Variants in NEMF observed in about 807,000 individuals in gnomAD.
NEMF encodes the protein ribosome quality control complex subunit NEMF.
Under a neutral mutation model 162.2 loss-of-function variants are expected in NEMF, and 89 were observed. The ratio of observed to expected loss-of-function variants is 0.55; its 90% confidence interval spans 0.46 to 0.65. NEMF has a LOEUF of 0.65. NEMF is among the 30% of genes least tolerant of loss of function. The pLI is 0.00. For missense variants in NEMF, 1,133 were observed against 1,261.9 expected, an observed-to-expected ratio of 0.90 and a Z score of 1.55; for synonymous variants, 421 against 404.5, an observed-to-expected ratio of 1.04 and a Z score of -0.49.
intron 5 of NEMF, among the ~76,000 whole-genome samples, 176 bp downstream of exon 5, chr14:49,840,542 T>A (rs1893149780): frequency 6.6e-6 from 1 of 152,128 alleles, no homozygotes; most frequent in Non-Finnish European, 1.5e-5. Context: ...TTTATGTAGT[T>A]CAAACAGTCT....
chr14:49,834,242 C>A, intron 7 of NEMF, 121 bp downstream of exon 7: 1 of 655,496 alleles, frequency 1.5e-6, no homozygotes, highest in Non-Finnish European at 2.7e-6. Flanking sequence ...AGGCATGAGC[C>A]AGTGTGCCTG....
chr14:49,814,192 A>C, intron 17 of NEMF, 142 bp from the exon 18 acceptor site: 1 of 561,576 alleles, frequency 1.8e-6, no homozygotes, highest in Non-Finnish European at 3.3e-6. Flanking sequence ...TTCTGCCCCC[A>C]AGGTTCAGGC....
intron 4 of NEMF, 104 bp from the exon 5 acceptor site, chr14:49,840,970 G>A (rs1027439222): frequency 3.2e-6 from 3 of 942,808 alleles, no homozygotes; most frequent in Non-Finnish European, 4.6e-6. Flanking sequence ...GCCGAGGCAG[G>A]CAGATCACTT....
chr14:49,794,265 T>C (rs1335601974), intron 26 of NEMF, among the ~76,000 whole-genome samples: 1 of 152,198 alleles, frequency 6.6e-6, no homozygotes, highest in Non-Finnish European at 1.5e-5. Flanking sequence ...AATTTACAAT[T>C]ATTTTATCAA....
At chr14:49,819,611 G>T (rs1324147956) in intron 16 of NEMF, among the ~76,000 whole-genome samples, 1 of 151,886 alleles carries the variant, frequency 6.6e-6, no homozygotes, top group Admixed American at 6.6e-5. Context: ...ACGGGGTTTC[G>T]CCATGTTGCC....
At chr14:49,848,465 A>G (rs1287423588) in intron 3 of NEMF, among the ~76,000 whole-genome samples, 1 of 152,200 alleles carries the variant, frequency 6.6e-6, no homozygotes, top group Non-Finnish European at 1.5e-5. Context: ...AGCCTCTAAA[A>G]TATCTTACAA....
intron 16 of NEMF, among the ~76,000 whole-genome samples, chr14:49,818,130 C>T (rs1891811757): frequency 6.6e-6 from 1 of 150,632 alleles, no homozygotes; most frequent in Non-Finnish European, 1.5e-5. Context: ...CACTGTCACC[C>T]AGACTGGAGT....
intron 28 of NEMF, among the ~76,000 whole-genome samples, chr14:49,787,662 A>G (rs1890239843): frequency 6.6e-6 from 1 of 152,200 alleles, no homozygotes; most frequent in Non-Finnish European, 1.5e-5. Context: ...GTTCCCATAT[A>G]TGAATTGTGG....
At position 49,820,995 on chromosome 14, in the gene NEMF, GCCGCCCATCATC is replaced by G. The variant is rs1352010481; in HGVS notation, c.1577+4860_1577+4871del. 1.3e-4 allele frequency among the ~76,000 whole-genome samples: 2 copies of G among 15,866 alleles called. 1 individual carries two copies. The highest frequency in any genetic ancestry group is 0.012 in the Non-Finnish European group (2 of 172). The allele number at this position is 15,866 out of a possible 152,430, so 10.4% of individuals were successfully genotyped here. A position where few individuals can be genotyped will look rare whatever the true frequency, so the allele number is the denominator to read the frequency against. On this transcript the variant is annotated intron_variant, in intron 16 of 32. Coordinates refer to ENST00000298310, the MANE Select transcript of NEMF (RefSeq NM_004713.6). ...AGGAAGTGAGGAGCGTCTCTGCCCG[GCCGCCCATCATC>G]TGAGATGTGGGGAGCACCTCTGCCC...
At chr14:49,824,317 G>A (rs187844077) in intron 16 of NEMF, among the ~76,000 whole-genome samples, 7 of 152,178 alleles carry the variant, frequency 4.6e-5, no homozygotes, top group African/African-American at 1.2e-4. Context: ...GGCTGAGGCG[G>A]GTGGAACACG....
chr14:49,802,444 A>G lies in NEMF; in HGVS notation c.2095+9T>C. The G allele has an allele frequency of 3.1e-6, 5 of 1,610,930 alleles. No homozygotes were observed. The highest frequency in any genetic ancestry group is 4.2e-6 in the Non-Finnish European group (5 of 1,179,050). On this transcript the variant is annotated intron_variant, in intron 22 of 32. Coordinates refer to ENST00000298310, the MANE Select transcript of NEMF (RefSeq NM_004713.6). ...ATCACAAGCTAATTTCTTAAAATCT[A>G]TAAACTACCTAATTGTTCCATTTCT...
At position 49,817,568 on chromosome 14, in the gene NEMF, GATAAAAGACT is replaced by G. The variant is rs528953601; in HGVS notation, c.1578-2721_1578-2712del. Among the ~76,000 whole-genome samples, 226 of 152,280 alleles carry G rather than the reference GATAAAAGACT, an allele frequency of 1.5e-3. 1 individual carries two copies. The highest frequency in any genetic ancestry group is 3.1e-3 in the East Asian group (16 of 5,190). ...GTTAGAAGGACATTTCATTAAAGTT[GATAAAAGACT>G]CAATTAATTAGGAAGACGTAACAGT... On this transcript the variant is annotated intron_variant, in intron 16 of 32. Coordinates refer to ENST00000298310, the MANE Select transcript of NEMF (RefSeq NM_004713.6).
Position 49,782,897 on chromosome 14 carries a change from C to T in NEMF, c.*1739G>A. Reference sequence around the variant, plus strand: ...CAACTCATGGAACTGCCTTCCAAAACACTTACTTCACAGTGTTAATCAGAG... The same window carrying T: ...CAACTCATGGAACTGCCTTCCAAAATACTTACTTCACAGTGTTAATCAGAG... On this transcript the variant is annotated 3_prime_UTR_variant, in exon 33 of 33. Coordinates refer to ENST00000298310, the MANE Select transcript of NEMF (RefSeq NM_004713.6). 1 of 1,613,754 alleles carries T rather than the reference C, an allele frequency of 6.2e-7. No individual in the cohort carries two copies. The highest frequency in any genetic ancestry group is 8.5e-7 in the Non-Finnish European group (1 of 1,179,724).
chr14:49,812,355 G>T (rs563081538), intron 18 of NEMF, among the ~76,000 whole-genome samples: 22 of 152,146 alleles, frequency 1.4e-4, no homozygotes, highest in Non-Finnish European at 2.8e-4. Flanking sequence ...TCTTTTCAAA[G>T]AACCAACTTG....
chr14:49,812,759 C>T (rs1891537748), intron 18 of NEMF, among the ~76,000 whole-genome samples: 1 of 151,514 alleles, frequency 6.6e-6, no homozygotes, highest in Admixed American at 6.6e-5. Flanking sequence ...AGTCAGAAAA[C>T]TTACTTTGTC....
chr14:49,812,430 A>C (rs1298606740), intron 18 of NEMF, among the ~76,000 whole-genome samples: 1 of 151,772 alleles, frequency 6.6e-6, no homozygotes, highest in Non-Finnish European at 1.5e-5. Context: ...TCTAATATTT[A>C]CTATTTTCTT....
In NEMF at chr14:49,829,223, G is replaced by A. The variant is rs1336806825; in HGVS notation, c.1063C>T (p.Leu355=). Reference sequence around the variant, plus strand: ...TGAATGGCTCTGTCAACTATTTGTAGGTTCATTTCTATGAGCTCTCCTTTC... The same window carrying A: ...TGAATGGCTCTGTCAACTATTTGTAAGTTCATTTCTATGAGCTCTCCTTTC... ...KLKGELIEMN[L]QIVDRAIQVV... Residue 355 remains leucine (L), a synonymous_variant, in exon 13 of 33, where the codon CTA becomes TTA. Coordinates refer to ENST00000298310, the MANE Select transcript of NEMF (RefSeq NM_004713.6). The A allele has an allele frequency of 6.2e-7, 1 of 1,613,970 alleles. No individual in the cohort carries two copies. The highest frequency in any genetic ancestry group is 1.3e-5 in the African/African-American group (1 of 74,894).
At chr14:49,847,686 T>C (rs1893571458) in intron 3 of NEMF, among the ~76,000 whole-genome samples, 1 of 151,024 alleles carries the variant, frequency 6.6e-6, no homozygotes, top group Non-Finnish European at 1.5e-5. Flanking sequence ...CCACCTTATA[T>C]CCAGTTACCC....
chr14:49,788,575 T>C, intron 28 of NEMF, among the ~76,000 whole-genome samples: 1 of 137,760 alleles, frequency 7.3e-6, no homozygotes, highest in Non-Finnish European at 1.6e-5. Context: ...TTTTTTTTTT[T>C]GAGATGGAGT....
Sources: gnomAD v4.1 joint callset for allele counts (sites outside exome capture counted in the v4.1 genomes callset) on GRCh38, gnomAD v4.1.1 for gene constraint, MANE v1.5 for transcripts, NCBI Gene and HGNC (gene_info 2026-07-23, HGNC 2026-07-21) for gene names.